The following S100A8 variants were observed in gnomAD, a reference collection of about 807,000 sequenced individuals.
S100A8 encodes S100 calcium binding protein A8.
In S100A8, 1 loss-of-function variant was observed where a neutral mutation model predicts 4.2. The observed-to-expected ratio is 0.24, with a 90% CI of 0.08 to 1.12. The LOEUF is 1.12. Among genes scored for constraint, S100A8 ranks in the 50% most tolerant of loss-of-function variants. The pLI is 0.53. For missense variants in S100A8, 96 were observed against 111.8 expected (o/e 0.86, Z 0.64); for synonymous variants, 41 against 44.7 (o/e 0.92, Z 0.33).
chr1:153,390,039 T>C lies in S100A8; in HGVS notation c.*64A>G. On this transcript the variant is annotated 3_prime_UTR_variant, in exon 3 of 3. Transcript: ENST00000368733. ...AAGCATAAGAGAGAGGCATGAGGTATTGATGACTTTATTATTCTGCAGGTA... is the reference window on the plus strand; with the variant it reads ...AAGCATAAGAGAGAGGCATGAGGTACTGATGACTTTATTATTCTGCAGGTA... 1 of 1,417,892 alleles carries C rather than the reference T, an allele frequency of 7.1e-7. No homozygotes were observed. The highest frequency in any genetic ancestry group is 9.7e-7 in the Non-Finnish European group (1 of 1,029,850). The allele number at this position is 1,417,892 out of a possible 1,614,324, so 87.8% of individuals were successfully genotyped here. A position where few individuals can be genotyped will look rare whatever the true frequency, so the allele number is the denominator to read the frequency against.
At chr1:153,394,912 T>G (rs1243445366), upstream of S100A8, among the ~76,000 whole-genome samples, 4 of 152,278 alleles carry the variant, frequency 2.6e-5, no homozygotes, top group Middle Eastern at 3.4e-3. Flanking sequence ...ATGATTTCTA[T>G]CTCAGTAAGC....
the S100A8 span, among the ~76,000 whole-genome samples, chr1:153,398,521 C>T: frequency 3.3e-5 from 5 of 152,330 alleles, no homozygotes; most frequent in East Asian, 9.7e-4. Flanking sequence ...CCCTTCAGCC[C>T]TCACATTCCC....
At chr1:153,391,264 G>T, upstream of S100A8, 1 of 939,896 alleles carries the variant, frequency 1.1e-6, no homozygotes, top group Non-Finnish European at 1.3e-6. Context: ...AAAGAGGAAG[G>T]CATTTGCTGG....
chr1:153,409,460 A>T, the S100A8 span, among the ~76,000 whole-genome samples: 5 of 152,140 alleles, frequency 3.3e-5, no homozygotes, highest in African/African-American at 1.2e-4. Flanking sequence ...CAATACAGGA[A>T]CACCCAGATT....
chr1:153,405,785 T>C, the S100A8 span, among the ~76,000 whole-genome samples: 335 of 151,860 alleles, frequency 2.2e-3, 3 homozygotes, highest in Middle Eastern at 6.8e-3. Context: ...CTGTGTCTTT[T>C]TTTAACCCTT....
upstream of S100A8, among the ~76,000 whole-genome samples, chr1:153,391,926 C>A (rs758147605): frequency 2.6e-5 from 4 of 152,022 alleles, no homozygotes; most frequent in African/African-American, 9.7e-5. Flanking sequence ...AGAAGCCAGA[C>A]GCGCTTCATG....
At chr1:153,420,041 A>G in the S100A8 span, 1 of 152,364 alleles carries the variant, frequency 6.6e-6, no homozygotes, top group East Asian at 1.9e-4. Flanking sequence ...TGATGAATGA[A>G]TATTCCAGAT....
At chr1:153,395,555 T>C (rs1360922409), upstream of S100A8, among the ~76,000 whole-genome samples, 1 of 152,130 alleles carries the variant, frequency 6.6e-6, no homozygotes, top group Non-Finnish European at 1.5e-5. Flanking sequence ...TCACAGCCTC[T>C]AGCCAGGCTG....
At chr1:153,417,838 C>A in the S100A8 span, 4 of 491,792 alleles carry the variant, frequency 8.1e-6, no homozygotes, top group Non-Finnish European at 1.4e-5. Context: ...TGGACTTCTG[C>A]CATCCACCTG....
At chr1:153,393,992 C>T (rs1557849060), upstream of S100A8, among the ~76,000 whole-genome samples, 1 of 152,284 alleles carries the variant, frequency 6.6e-6, no homozygotes, top group South Asian at 2.1e-4. Flanking sequence ...CGCCCCTGGA[C>T]AGCCTTGGGT....
chr1:153,419,692 T>C, the S100A8 span: 12 of 189,934 alleles, frequency 6.3e-5, no homozygotes, highest in Non-Finnish European at 1.3e-4. Context: ...ATTCAGATAC[T>C]GCACTGAGAA....
the S100A8 span, chr1:153,421,385 T>G: frequency 6.6e-6 from 1 of 152,216 alleles, no homozygotes; most frequent in African/African-American, 2.4e-5. Flanking sequence ...CCAGCCAGAC[T>G]TGGAATCATG....
chr1:153,407,791 C>T, the S100A8 span, among the ~76,000 whole-genome samples: 2 of 152,200 alleles, frequency 1.3e-5, no homozygotes, highest in Non-Finnish European at 2.9e-5. Context: ...CAATCAGGAA[C>T]CAACATTTGC....
At chr1:153,402,769 T>G in the S100A8 span, among the ~76,000 whole-genome samples, 1 of 152,122 alleles carries the variant, frequency 6.6e-6, no homozygotes, top group Non-Finnish European at 1.5e-5. Flanking sequence ...AATTGACAAG[T>G]TAACTGTAAA....
At chr1:153,419,349 A>G in the S100A8 span, 1 of 1,585,568 alleles carries the variant, frequency 6.3e-7, no homozygotes, top group Non-Finnish European at 8.6e-7. Flanking sequence ...CCCAGGAACA[A>G]TAAGTGTCTC....
the S100A8 span, among the ~76,000 whole-genome samples, chr1:153,397,224 G>A: frequency 7.9e-5 from 12 of 152,196 alleles, no homozygotes; most frequent in African/African-American, 1.9e-4. Context: ...GAGCAGAGTC[G>A]ACCTGGCCCT....
At chr1:153,419,475 C>T in the S100A8 span, 2 of 751,240 alleles carry the variant, frequency 2.7e-6, no homozygotes, top group Non-Finnish European at 4.3e-6. Context: ...CAGTGGGTCA[C>T]CCAGGAGTAA....
At chr1:153,398,561 C>G in the S100A8 span, among the ~76,000 whole-genome samples, 3 of 152,166 alleles carry the variant, frequency 2.0e-5, no homozygotes, top group Admixed American at 2.0e-4. Context: ...TGTGCAGCTC[C>G]TCTCTGGTGC....
the S100A8 span, chr1:153,419,242 G>A: frequency 1.2e-6 from 2 of 1,614,192 alleles, no homozygotes; most frequent in Non-Finnish European, 1.7e-6. Flanking sequence ...TCCTTGCTGG[G>A]AGACATAGCC....
Sources: allele counts gnomAD v4.1 joint callset (sites outside exome capture counted in the v4.1 genomes callset), GRCh38; gene constraint gnomAD v4.1.1; transcripts MANE v1.5; gene names NCBI Gene and HGNC (gene_info 2026-07-23, HGNC 2026-07-21).